PRKG2: variants seen among roughly 807,000 people sequenced by gnomAD.
The protein encoded by PRKG2 is protein kinase cGMP-dependent 2, also known as cGMP-dependent protein kinase 2.
PRKG2 carries 33 observed loss-of-function variants against 97.2 expected under a neutral mutation model. That is an observed-to-expected ratio of 0.34 (90% CI 0.26 to 0.45). The LOEUF is 0.45. PRKG2 is among the 20% of genes least tolerant of loss of function. The pLI, the probability that PRKG2 is intolerant of heterozygous loss-of-function variation, is 1.00. For missense variants in PRKG2, 638 were observed against 900.0 expected (o/e 0.71, Z 3.73); for synonymous variants, 330 against 321.8 (o/e 1.03, Z -0.27).
At chr4:81,216,894 TGTGTG>T (rs1754290844), upstream of PRKG2, among the ~76,000 whole-genome samples, 3 of 52,886 alleles carry the variant, frequency 5.7e-5, no homozygotes, top group African/African-American at 4.8e-4. Context: ...TATTCCATTG[TGTGTG>T]TGTGTGTGTG....
rs912564692 is a variant in PRKG2, at chr4:81,145,614, C to T, written c.1155-1284G>A. On this transcript the variant is annotated intron_variant, in intron 9 of 18. Transcript: ENST00000264399. ...GGGAATTCTAACATAGTCCTATGCC[C>T]TTGAGAAAAAATAATCCTTTTCCTC... Among the ~76,000 whole-genome samples the T allele has an allele frequency of 5.3e-5, 8 of 152,182 alleles. 1 individual carries two copies. Among genetic ancestry groups the T allele is most frequent in the Admixed American group, 5.2e-4 (8 of 15,278 alleles).
Position 81,144,375 on chromosome 4 carries a change from C to T in PRKG2, c.1155-45G>A, listed in dbSNP as rs764503647. 8 of 1,464,074 alleles carry T rather than the reference C, an allele frequency of 5.5e-6. No individual in the cohort carries two copies. In the South Asian group the frequency reaches 5.8e-5, roughly 11 times the overall value. The allele number at this position is 1,464,074 out of a possible 1,614,324, so 90.7% of individuals were successfully genotyped here. A position where few individuals can be genotyped will look rare whatever the true frequency, so the allele number is the denominator to read the frequency against. On this transcript the variant is annotated intron_variant, in intron 9 of 18. Coordinates refer to ENST00000264399, the MANE Select transcript of PRKG2 (RefSeq NM_006259.3). The stretch of plus-strand genomic sequence containing the variant: ...TAAAATGCTCCGTGCTGATAGTTAC[C>T]AAGGCAACTTGACATTCTTCTAAGC...
chr4:81,124,249 A>G (rs1247688811), intron 14 of PRKG2, among the ~76,000 whole-genome samples: 2 of 152,042 alleles, frequency 1.3e-5, no homozygotes, highest in Non-Finnish European at 2.9e-5. Flanking sequence ...TCTAGCTTCT[A>G]TTGTTGCTGT....
chr4:81,124,117 T>C (rs555162799), intron 14 of PRKG2, among the ~76,000 whole-genome samples: 3 of 152,336 alleles, frequency 2.0e-5, no homozygotes, highest in East Asian at 3.9e-4. Context: ...CCTTTGTATG[T>C]AGAAGTAAAC....
chr4:81,143,475 G>A (rs1747501366), intron 10 of PRKG2, among the ~76,000 whole-genome samples: 1 of 152,086 alleles, frequency 6.6e-6, no homozygotes, highest in Non-Finnish European at 1.5e-5. Context: ...TGTGAAATAT[G>A]AAAAGTACAT....
intron 14 of PRKG2, among the ~76,000 whole-genome samples, chr4:81,113,950 T>C (rs1052192774): frequency 1.3e-5 from 2 of 152,158 alleles, no homozygotes; most frequent in African/African-American, 4.8e-5. Context: ...GGCTAAGATA[T>C]GGGATGAATG....
intron 4 of PRKG2, among the ~76,000 whole-genome samples, chr4:81,171,131 A>G (rs1750436114): frequency 6.6e-6 from 1 of 151,938 alleles, no homozygotes; most frequent in Non-Finnish European, 1.5e-5. Context: ...TTAGCCCCGC[A>G]TACATCAGCT....
At chr4:81,113,736 C>G (rs949175864) in intron 14 of PRKG2, among the ~76,000 whole-genome samples, 1 of 152,062 alleles carries the variant, frequency 6.6e-6, no homozygotes, top group Non-Finnish European at 1.5e-5. Flanking sequence ...AGATGATTCA[C>G]GGTGACATGC....
rs1288705880 is a variant in PRKG2 at position 81,142,875 on chromosome 4, G to A, written c.1326C>T (p.Ala442=). Residue 442 remains alanine, a synonymous_variant, in exon 11 of 19, where the codon GCC becomes GCT. Transcript: ENST00000264399. The part of the protein sequence containing the change: ...LEMIQLKEKV[A]RFSSSSPFQN... ...GGAATGGGGATGATGAGGAAAATCTGGCCACCTTCTCCTTCAGCTGAATCA... is the reference window on the plus strand; with the variant it reads ...GGAATGGGGATGATGAGGAAAATCTAGCCACCTTCTCCTTCAGCTGAATCA... 6.2e-7 allele frequency: 1 copy of A among 1,613,202 alleles called. No individual in the cohort carries two copies. The highest frequency in any genetic ancestry group is 1.3e-5 in the African/African-American group (1 of 74,998).
chr4:81,112,133 T>C (rs77887136), intron 14 of PRKG2, among the ~76,000 whole-genome samples: 106 of 152,332 alleles, frequency 7.0e-4, no homozygotes, highest in African/African-American at 2.4e-3. Flanking sequence ...ATTTTACTGA[T>C]TGCTTTTAGT....
intron 9 of PRKG2, among the ~76,000 whole-genome samples, chr4:81,145,359 G>C (rs1204443402): frequency 6.6e-6 from 1 of 152,128 alleles, no homozygotes; most frequent in Non-Finnish European, 1.5e-5. Flanking sequence ...TTTTAACTTT[G>C]CTTAATAAAG....
chr4:81,203,083 A>T (rs1020472236), intron 2 of PRKG2, among the ~76,000 whole-genome samples: 8 of 151,670 alleles, frequency 5.3e-5, no homozygotes, highest in Admixed American at 4.6e-4. Flanking sequence ...ATATATGTAT[A>T]TATATACATA....
intron 1 of PRKG2, among the ~76,000 whole-genome samples, chr4:81,214,599 G>C (rs988308409): frequency 1.3e-5 from 2 of 152,080 alleles, no homozygotes; most frequent in Non-Finnish European, 2.9e-5. Flanking sequence ...CAAGCCCCTA[G>C]CTCGGAGCAA....
intron 10 of PRKG2, 109 bp from the exon 11 acceptor site, chr4:81,143,056 T>A: frequency 3.8e-6 from 5 of 1,331,130 alleles, no homozygotes; most frequent in Non-Finnish European, 5.0e-6. Flanking sequence ...GTAACTATGA[T>A]TTATAGTTGC....
intron 1 of PRKG2, among the ~76,000 whole-genome samples, chr4:81,207,327 G>T (rs182564410): frequency 5.9e-5 from 9 of 152,282 alleles, no homozygotes; most frequent in Admixed American, 2.0e-4. Flanking sequence ...AGAAAGAAGG[G>T]AGATGTGATG....
At chr4:81,092,268 G>C in intron 18 of PRKG2, 118 bp downstream of exon 18, 1 of 550,674 alleles carries the variant, frequency 1.8e-6, no homozygotes, top group East Asian at 3.2e-5. Context: ...AATAAAAACT[G>C]CTTTAAAAAA....
chr4:81,149,266 T>C (rs11939700), intron 8 of PRKG2, among the ~76,000 whole-genome samples: 3,059 of 152,236 alleles, frequency 0.02, 111 homozygotes, highest in African/African-American at 0.07. Context: ...AGCTCTCCTC[T>C]GATCAAAGGA....
chr4:81,142,758 G>A, intron 11 of PRKG2, 36 bp downstream of exon 11: 8 of 1,494,932 alleles, frequency 5.4e-6, no homozygotes, highest in Non-Finnish European at 6.3e-6. Context: ...AAAGTCAAAA[G>A]GCTTCTCTCA....
intron 17 of PRKG2, among the ~76,000 whole-genome samples, chr4:81,101,664 T>A (rs1006649226): frequency 6.7e-5 from 10 of 150,150 alleles, no homozygotes; most frequent in African/African-American, 2.0e-4. Flanking sequence ...CATGTATACA[T>A]ATGTAACTAA....
Sources: allele counts gnomAD v4.1 joint callset (sites outside exome capture counted in the v4.1 genomes callset), GRCh38; gene constraint gnomAD v4.1.1; transcripts MANE v1.5; gene names NCBI Gene and HGNC (gene_info 2026-07-23, HGNC 2026-07-21).